PIK3C2B: variants seen among roughly 807,000 people sequenced by gnomAD.
PIK3C2B encodes phosphatidylinositol-4-phosphate 3-kinase catalytic subunit type 2 beta.
In PIK3C2B, 83 loss-of-function variants were observed where a neutral mutation model predicts 184.3. That is an observed-to-expected ratio of 0.45 (90% confidence interval 0.38 to 0.54). The LOEUF is 0.54. Among genes scored for constraint, PIK3C2B ranks in the 20% least tolerant of loss-of-function variants. PIK3C2B has a pLI of 0.00. For missense variants in PIK3C2B, 1,736 were observed against 2,113.5 expected (o/e 0.82, Z 3.50); for synonymous variants, 779 against 837.6 (o/e 0.93, Z 1.21).
At chr1:204,435,655 C>T (rs1244216454) in intron 23 of PIK3C2B, 4 of 152,234 alleles carry the variant, frequency 2.6e-5, no homozygotes, top group Admixed American at 6.5e-5. Context: ...TCCATTCATA[C>T]AGCACTGACT....
intron 23 of PIK3C2B, among the ~76,000 whole-genome samples, chr1:204,438,610 G>A (rs1361528504): frequency 6.6e-6 from 1 of 152,174 alleles, no homozygotes; most frequent in African/African-American, 2.4e-5. Context: ...AGAACATAAG[G>A]GAACCTGAAG....
chr1:204,442,610 C>T lies in PIK3C2B; in HGVS notation c.3072G>A (p.Glu1024=). Residue 1024 remains glutamate, a synonymous_variant, in exon 20 of 33, where the codon GAG becomes GAA. Coordinates refer to ENST00000684373, the MANE Select transcript of PIK3C2B (RefSeq NM_001377334.1). ...TGAGGGCAAAGAACTGCTTCACCTC[C>T]TCCAGGCCCGTGCGGAGGATTCCCT... The part of the protein sequence containing the change: ...ARQGILRTGL[E]EVKQFFALNG... 6.4e-7 allele frequency: 1 copy of T among 1,553,250 alleles called. No homozygotes were observed. Among genetic ancestry groups the T allele is most frequent in the South Asian group, 1.2e-5 (1 of 84,138 alleles).
At chr1:204,474,488 C>T (rs923411126) in intron 1 of PIK3C2B, among the ~76,000 whole-genome samples, 5 of 152,226 alleles carry the variant, frequency 3.3e-5, no homozygotes, top group Non-Finnish European at 5.9e-5. Flanking sequence ...GCCATTTCCA[C>T]CTGCCTGGAC....
rs185232231 is a variant in PIK3C2B at position 204,467,792 on chromosome 1, G to A, written c.933+1078C>T. On this transcript the variant is annotated intron_variant, in intron 2 of 32. Coordinates refer to ENST00000684373, the MANE Select transcript of PIK3C2B (RefSeq NM_001377334.1). Reference sequence around the variant, plus strand: ...AGAGGCTGCAGTGAGCCAAGATAGCGCCACTGCACTAAAGCCTGGTGACAG... The same window carrying A: ...AGAGGCTGCAGTGAGCCAAGATAGCACCACTGCACTAAAGCCTGGTGACAG... Among the ~76,000 whole-genome samples, 810 of 122,962 alleles carry A rather than the reference G, an allele frequency of 6.6e-3. 3 individuals are homozygous for A. The highest frequency in any genetic ancestry group is 0.027 in the Middle Eastern group (3 of 112). The allele number at this position is 122,962 out of a possible 152,430, so 80.7% of individuals were successfully genotyped here.
chr1:204,491,178 A>G (rs1448358767), intron 1 of PIK3C2B, among the ~76,000 whole-genome samples: 2 of 152,094 alleles, frequency 1.3e-5, no homozygotes, highest in African/African-American at 4.8e-5. Context: ...ACCTGAGGTC[A>G]GGAGTTCGAG....
chr1:204,452,852 C>T (rs1274804376), intron 12 of PIK3C2B, among the ~76,000 whole-genome samples: 2 of 150,208 alleles, frequency 1.3e-5, no homozygotes, highest in Admixed American at 1.3e-4. Context: ...GAGATAAGGC[C>T]TCTTTGTGTT....
chr1:204,480,751 C>T (rs1657058304), intron 1 of PIK3C2B, among the ~76,000 whole-genome samples: 1 of 151,754 alleles, frequency 6.6e-6, no homozygotes, highest in African/African-American at 2.4e-5. Context: ...GGAAGTCAAG[C>T]AGAAAAAGGC....
At chr1:204,444,973 G>A (rs926949507) in intron 16 of PIK3C2B, among the ~76,000 whole-genome samples, 1 of 152,170 alleles carries the variant, frequency 6.6e-6, no homozygotes, top group African/African-American at 2.4e-5. Context: ...TGAGAGTGGC[G>A]AGAAATAAGC....
At chr1:204,467,630 T>C (rs915298482) in intron 2 of PIK3C2B, among the ~76,000 whole-genome samples, 5 of 149,572 alleles carry the variant, frequency 3.3e-5, no homozygotes, top group Non-Finnish European at 7.4e-5. Context: ...AGGTCAGGAG[T>C]TCAAGACCAG....
chr1:204,466,988 G>A (rs79820783), intron 2 of PIK3C2B: 2 of 516,286 alleles, frequency 3.9e-6, no homozygotes, highest in Admixed American at 4.1e-5. Flanking sequence ...CCCCCTCCCA[G>A]CAGGCTGAGC....
At position 204,425,038 on chromosome 1, in the gene PIK3C2B, C is replaced by T. The variant is rs750582751; in HGVS notation, c.4719G>A (p.Leu1573=). The change falls in exon 33 of 33, where the codon TTG becomes TTA. Residue 1573 remains leucine (L), a splice_region_variant and synonymous_variant. Transcript: ENST00000684373. The stretch of plus-strand genomic sequence containing the variant: ...CACCCTTGGGGATCCCATCATATAC[C>T]AACTGCAAACATAGAGATGGGTGAG... The part of the protein sequence containing the change: ...KTCNPTYNEM[L]VYDGIPKGDL... 2 of 1,612,178 alleles carry T rather than the reference C, an allele frequency of 1.2e-6. No individual in the cohort carries two copies. The highest frequency in any genetic ancestry group is 1.7e-5 in the Admixed American group (1 of 59,904).
At chr1:204,465,343 C>T (rs1054801321) in intron 2 of PIK3C2B, 24 bp from the exon 3 acceptor site, 3 of 1,504,348 alleles carry the variant, frequency 2.0e-6, no homozygotes, top group Non-Finnish European at 2.8e-6. Context: ...GCAGACGACT[C>T]AGTGCCTTTT....
At chr1:204,456,176 T>C (rs1328811588) in intron 10 of PIK3C2B, 125 bp from the exon 11 acceptor site, 2 of 632,822 alleles carry the variant, frequency 3.2e-6, no homozygotes, top group Non-Finnish European at 5.2e-6. Flanking sequence ...CAGTCTCTAA[T>C]AGCTGTGACA....
Position 204,465,197 on chromosome 1 carries a change from C to CT in PIK3C2B, c.1034+21_1034+22insA, listed in dbSNP as rs58247897. On this transcript the variant is annotated intron_variant, in intron 3 of 32. Coordinates refer to ENST00000684373, the MANE Select transcript of PIK3C2B (RefSeq NM_001377334.1). ...CATCCCCCATAGCCCTCCCAAATCC[C>CT]ACCCCATTCTTTAACTCTTACATAT... 5 of 1,295,944 alleles carry CT rather than the reference C, an allele frequency of 3.9e-6. No homozygotes were observed. The East Asian group carries it at 9.5e-5, about 25-fold the overall frequency. The allele number at this position is 1,295,944 out of a possible 1,614,324, so 80.3% of individuals were successfully genotyped here.
At chr1:204,450,874 G>A (rs953848680) in intron 12 of PIK3C2B, among the ~76,000 whole-genome samples, 8 of 152,204 alleles carry the variant, frequency 5.3e-5, no homozygotes, top group Non-Finnish European at 1.2e-4. Context: ...AGCTGTCCCT[G>A]GGCCAAAGTC....
chr1:204,429,896 C>T (rs1674946706), intron 29 of PIK3C2B, 25 bp downstream of exon 29: 5 of 1,455,620 alleles, frequency 3.4e-6, no homozygotes, highest in South Asian at 1.1e-5. Flanking sequence ...CCTGGACAGC[C>T]AGGAGGAGAG....
intron 4 of PIK3C2B, 21 bp downstream of exon 4, chr1:204,464,429 T>C (rs549959067): frequency 6.2e-7 from 1 of 1,607,050 alleles, no homozygotes; most frequent in Non-Finnish European, 8.5e-7. Context: ...GCTCACATCC[T>C]CTCCCCCCTC....
intron 1 of PIK3C2B, among the ~76,000 whole-genome samples, chr1:204,486,054 A>G (rs1657559691): frequency 6.6e-6 from 1 of 152,206 alleles, no homozygotes; most frequent in Admixed American, 6.5e-5. Flanking sequence ...TTTTATTTGT[A>G]TAGGTATTTA....
At chr1:204,428,874 T>C (rs1275199365) in intron 29 of PIK3C2B, 2 of 455,104 alleles carry the variant, frequency 4.4e-6, no homozygotes, top group Non-Finnish European at 8.8e-6. Context: ...AGGTGCTAAT[T>C]ATATTGTTTC....
Sources: allele counts gnomAD v4.1 joint callset (sites outside exome capture counted in the v4.1 genomes callset), GRCh38; gene constraint gnomAD v4.1.1; transcripts MANE v1.5; gene names NCBI Gene and HGNC (gene_info 2026-07-23, HGNC 2026-07-21).